Variants in PPP1R3E observed in about 807,000 individuals in gnomAD.
PPP1R3E encodes protein phosphatase 1, regulatory (inhibitor) subunit 3E.
A neutral mutation model predicts 18.5 loss-of-function variants in PPP1R3E; 20 were observed. The observed-to-expected ratio is 1.08, with a 90% CI of 0.76 to 1.58. The LOEUF is 1.58. Among genes scored for constraint, PPP1R3E ranks in the 40% most tolerant of loss-of-function variants. The pLI is 0.00. For missense variants in PPP1R3E, 498 were observed against 460.2 expected (o/e 1.08, Z -0.75); for synonymous variants, 208 against 208.1 (o/e 1.00, Z 0.00).
rs1051986464 is a variant in PPP1R3E at position 23,301,285 on chromosome 14, C to G, written c.*138+13G>C. ...CCCACGCCCCCACGCCCCCACGCCC[C>G]TGATTTCCCCACCCTTTTCGCCCTC... On this transcript the variant is annotated intron_variant, in intron 2 of 4. Coordinates refer to ENST00000452015, the MANE Select transcript of PPP1R3E (RefSeq NM_001276318.2). The G allele has an allele frequency of 2.2e-6, 1 of 457,938 alleles. No individual in the cohort carries two copies. The highest frequency in any genetic ancestry group is 3.0e-6 in the Non-Finnish European group (1 of 328,166). 28.4% of individuals were successfully genotyped at this position (457,938 alleles called of 1,614,324 possible). A position where few individuals can be genotyped will look rare whatever the true frequency, so the allele number is the denominator to read the frequency against.
chr14:23,301,727 C>T lies in PPP1R3E; in HGVS notation c.549G>A (p.Leu183=), dbSNP rs920844183. The T allele has an allele frequency of 4.0e-5, 57 of 1,410,710 alleles. No individual in the cohort carries two copies. The highest frequency in any genetic ancestry group is 4.9e-5 in the Non-Finnish European group (53 of 1,084,856). The allele number at this position is 1,410,710 out of a possible 1,614,324, so 87.4% of individuals were successfully genotyped here. Reference sequence around the variant, plus strand: ...GCACGCTCACGCGCTTCTCGTAGGCCAGGTCCACCACGCGCGCGCTCCCGG... The same window carrying T: ...GCACGCTCACGCGCTTCTCGTAGGCTAGGTCCACCACGCGCGCGCTCCCGG... ...GVAGSARVVD[L]AYEKRVSVRW... The change falls in exon 2 of 5, where the codon CTG becomes CTA. Residue 183 remains leucine, a synonymous_variant. Transcript: ENST00000452015.
intron 1 of PPP1R3E, 68 bp from the exon 2 acceptor site, chr14:23,301,926 C>T (rs1887056476): frequency 2.9e-6 from 4 of 1,362,578 alleles, no homozygotes; most frequent in Non-Finnish European, 3.8e-6. Context: ...GGGGCGGTGT[C>T]AGAGCAAGGC....
At position 23,301,748 on chromosome 14, in the gene PPP1R3E, C is replaced by G. The variant is rs1566458807; in HGVS notation, c.528G>C (p.Gly176=). The stretch of plus-strand genomic sequence containing the variant: ...AGGCCAGGTCCACCACGCGCGCGCT[C>G]CCGGCCACGCCCAGCGGGCCCGCCT... ...RAEAGPLGVA[G]SARVVDLAYE... is the part of the protein sequence containing the mutation. The change falls in exon 2 of 5, where the codon GGG becomes GGC. Residue 176 remains glycine (G), a synonymous_variant. Transcript: ENST00000452015. The G allele has an allele frequency of 7.1e-7, 1 of 1,417,994 alleles. No individual in the cohort carries two copies. Among genetic ancestry groups the G allele is most frequent in the Non-Finnish European group, 9.2e-7 (1 of 1,089,268 alleles). 87.8% of individuals were successfully genotyped at this position (1,417,994 alleles called of 1,614,324 possible). A position where few individuals can be genotyped will look rare whatever the true frequency, so the allele number is the denominator to read the frequency against.
In PPP1R3E at chr14:23,296,945, T is replaced by C. The variant is rs1240856824; in HGVS notation, c.*2359A>G. The stretch of plus-strand genomic sequence containing the variant: ...TGAGGAGCTAGGGCTCATGATGAAA[T>C]GTTTTTCTACATTCACAAAGAAAAA... On this transcript the variant is annotated 3_prime_UTR_variant, in exon 5 of 5. Transcript: ENST00000452015. 2 of 152,174 alleles carry C rather than the reference T, an allele frequency of 1.3e-5. No individual in the cohort carries two copies. Among genetic ancestry groups the C allele is most frequent in the Non-Finnish European group, 2.9e-5 (2 of 68,052 alleles). The allele number at this position is 152,174 out of a possible 1,614,324, so 9.4% of individuals were successfully genotyped here. A position where few individuals can be genotyped will look rare whatever the true frequency, so the allele number is the denominator to read the frequency against.
Position 23,301,861 on chromosome 14 carries a change from G to T in PPP1R3E, c.418-3C>A. 7.0e-7 allele frequency: 1 copy of T among 1,429,516 alleles called. No homozygotes were observed. The highest frequency in any genetic ancestry group is 9.1e-7 in the Non-Finnish European group (1 of 1,103,602). 88.6% of individuals were successfully genotyped at this position (1,429,516 alleles called of 1,614,324 possible). ...GGCTCCAGGGCGGCGCGCGCCTCCT[G>T]GGGGAAAGAAGAAGCGGGAGGAGGG... is the stretch of plus-strand genomic sequence containing the variant. On this transcript the variant is annotated splice_polypyrimidine_tract_variant and splice_region_variant and intron_variant, in intron 1 of 4. Coordinates refer to ENST00000452015, the MANE Select transcript of PPP1R3E (RefSeq NM_001276318.2).
At chr14:23,300,920 G>A (rs1446144749) in intron 2 of PPP1R3E, 56 bp from the exon 3 acceptor site, 1 of 152,998 alleles carries the variant, frequency 6.5e-6, no homozygotes, top group African/African-American at 2.4e-5. Flanking sequence ...GTAGGACAGG[G>A]GGATCTGAGG....
At position 23,301,635 on chromosome 14, in the gene PPP1R3E, G is replaced by T; in HGVS notation, c.641C>A (p.Pro214His). 1 of 1,368,680 alleles carries T rather than the reference G, an allele frequency of 7.3e-7. No homozygotes were observed. The highest frequency in any genetic ancestry group is 9.4e-7 in the Non-Finnish European group (1 of 1,064,156). 84.8% of individuals were successfully genotyped at this position (1,368,680 alleles called of 1,614,324 possible). The change falls in exon 2 of 5, where the codon CCC becomes CAC. Residue 214 changes from proline to histidine, a missense_variant. Physicochemically the swap from Pro to His is moderately conservative, Grantham distance 77. Coordinates refer to ENST00000452015, the MANE Select transcript of PPP1R3E (RefSeq NM_001276318.2). ...APAAYAGPAP[P>H]PPRADRFAFR... ...GGCGAAGCGGTCGGCGCGCGGCGGG[G>T]GCGGGGCCGGACCGGCGTAGGCGGC...
In PPP1R3E at chr14:23,302,756, C is replaced by T; in HGVS notation, c.-180G>A. 1.7e-6 allele frequency: 1 copy of T among 587,944 alleles called. No individual in the cohort carries two copies. Among genetic ancestry groups the T allele is most frequent in the Non-Finnish European group, 2.8e-6 (1 of 358,950 alleles). The allele number at this position is 587,944 out of a possible 1,614,324, so 36.4% of individuals were successfully genotyped here. On this transcript the variant is annotated 5_prime_UTR_variant, in exon 1 of 5. Coordinates refer to ENST00000452015, the MANE Select transcript of PPP1R3E (RefSeq NM_001276318.2). ...TCCACCTCCCGTTGCTTTGCCTCTC[C>T]TCTGTGACCACCCTTCCCTCCCTCT...
chr14:23,300,539 T>C (rs1240964512), intron 3 of PPP1R3E: 3 of 152,184 alleles, frequency 2.0e-5, no homozygotes, highest in African/African-American at 7.2e-5. Flanking sequence ...GAAATCAGAA[T>C]AGTGATTCTT....
In PPP1R3E at chr14:23,301,284, C is replaced by G; in HGVS notation, c.*138+14G>C. On this transcript the variant is annotated intron_variant, in intron 2 of 4. Coordinates refer to ENST00000452015, the MANE Select transcript of PPP1R3E (RefSeq NM_001276318.2). ...CCCCACGCCCCCACGCCCCCACGCC[C>G]CTGATTTCCCCACCCTTTTCGCCCT... 2.3e-6 allele frequency: 1 copy of G among 442,358 alleles called. No individual in the cohort carries two copies. Among genetic ancestry groups the G allele is most frequent in the East Asian group, 5.9e-5 (1 of 17,050 alleles). 27.4% of individuals were successfully genotyped at this position (442,358 alleles called of 1,614,324 possible). A position where few individuals can be genotyped will look rare whatever the true frequency, so the allele number is the denominator to read the frequency against.
Position 23,301,435 on chromosome 14 carries a change from C to T in PPP1R3E, c.*1G>A, listed in dbSNP as rs1887031650. 2.8e-6 allele frequency: 4 copies of T among 1,417,774 alleles called. No individual in the cohort carries two copies. Among genetic ancestry groups the T allele is most frequent in the South Asian group, 1.4e-5 (1 of 70,668 alleles). 87.8% of individuals were successfully genotyped at this position (1,417,774 alleles called of 1,614,324 possible). ...CCGCCGTCGGCCGCAGGCGCCTCGT[C>T]TCAGATAAAGTGGATCCAGCCCTGC... On this transcript the variant is annotated 3_prime_UTR_variant, in exon 2 of 5. Transcript: ENST00000452015.
In PPP1R3E at chr14:23,301,634, G is replaced by GGGCGGGGCCGGACCGGCGTA. The variant is rs1887042251; in HGVS notation, c.622_641dup (p.Pro215ThrfsTer35). ...AGGCGAAGCGGTCGGCGCGCGGCGG[G>GGGCGGGGCCGGACCGGCGTA]GGCGGGGCCGGACCGGCGTAGGCGG... is the stretch of plus-strand genomic sequence containing the variant. On this transcript the variant is annotated frameshift_variant, in exon 2 of 5. Transcript: ENST00000452015. LOFTEE classifies it high-confidence loss of function. The GGGCGGGGCCGGACCGGCGTA allele has an allele frequency of 1.5e-6, 2 of 1,365,594 alleles. No homozygotes were observed. The highest frequency in any genetic ancestry group is 9.4e-7 in the Non-Finnish European group (1 of 1,062,558). The allele number at this position is 1,365,594 out of a possible 1,614,324, so 84.6% of individuals were successfully genotyped here.
intron 3 of PPP1R3E, among the ~76,000 whole-genome samples, chr14:23,299,921 G>GTTTTTTTT (rs1265464684): frequency 4.5e-5 from 2 of 44,464 alleles, no homozygotes; most frequent in Non-Finnish European, 9.6e-5. Context: ...GTGTTTTTTT[G>GTTTTTTTT]TTTTTGTTTT....
rs1887034355 is a variant in PPP1R3E at position 23,301,489 on chromosome 14, G to C, written c.787C>G (p.His263Asp). ...GRDYALRGPE[H>D]PGSGGAPEPQ... is the part of the protein sequence containing the mutation. ...TCCGGAGCTCCGCCACTGCCCGGGT[G>C]CTCGGGCCCACGTAGAGCATAGTCA... The change falls in exon 2 of 5, where the codon CAC (histidine) becomes GAC (aspartate). Residue 263 changes from histidine to aspartate, a missense_variant. Transcript: ENST00000452015. 1 of 1,472,572 alleles carries C rather than the reference G, an allele frequency of 6.8e-7. No homozygotes were observed. The highest frequency in any genetic ancestry group is 9.0e-7 in the Non-Finnish European group (1 of 1,114,698). The allele number at this position is 1,472,572 out of a possible 1,614,324, so 91.2% of individuals were successfully genotyped here.
At position 23,302,686 on chromosome 14, in the gene PPP1R3E, GC is replaced by G; in HGVS notation, c.-111del. On this transcript the variant is annotated 5_prime_UTR_variant, in exon 1 of 5. Transcript: ENST00000452015. Reference sequence around the variant, plus strand: ...AGAAGTCGCTGGGTCCGCTTCTGCAGCCCCTCGCTGCTGTGTATTCTCCTTG... The same window carrying G: ...AGAAGTCGCTGGGTCCGCTTCTGCAGCCCTCGCTGCTGTGTATTCTCCTTG... 8.9e-7 allele frequency: 1 copy of G among 1,124,014 alleles called. No homozygotes were observed. Among genetic ancestry groups the G allele is most frequent in the South Asian group, 1.8e-5 (1 of 55,752 alleles). The allele number at this position is 1,124,014 out of a possible 1,614,324, so 69.6% of individuals were successfully genotyped here. A position where few individuals can be genotyped will look rare whatever the true frequency, so the allele number is the denominator to read the frequency against.
At position 23,301,382 on chromosome 14, in the gene PPP1R3E, C is replaced by T; in HGVS notation, c.*54G>A. ...TACTCCTCCCCGCCACATCGGGTCG[C>T]CCCGCCCCCGGGTGCCTTTGGTGTT... On this transcript the variant is annotated 3_prime_UTR_variant, in exon 2 of 5. Transcript: ENST00000452015. 4 of 1,320,962 alleles carry T rather than the reference C, an allele frequency of 3.0e-6. No individual in the cohort carries two copies. Among genetic ancestry groups the T allele is most frequent in the Non-Finnish European group, 2.9e-6 (3 of 1,034,070 alleles). The allele number at this position is 1,320,962 out of a possible 1,614,324, so 81.8% of individuals were successfully genotyped here.
In PPP1R3E at chr14:23,301,628, C is replaced by A; in HGVS notation, c.648G>T (p.Pro216=). The change falls in exon 2 of 5, where the codon CCG becomes CCT. Residue 216 remains proline (P), a synonymous_variant. Coordinates refer to ENST00000452015, the MANE Select transcript of PPP1R3E (RefSeq NM_001276318.2). Reference sequence around the variant, plus strand: ...GGCGGAAGGCGAAGCGGTCGGCGCGCGGCGGGGGCGGGGCCGGACCGGCGT... The same window carrying A: ...GGCGGAAGGCGAAGCGGTCGGCGCGAGGCGGGGGCGGGGCCGGACCGGCGT... ...AAYAGPAPPP[P]RADRFAFRLP... The A allele has an allele frequency of 7.2e-7, 1 of 1,390,350 alleles. No homozygotes were observed. Among genetic ancestry groups the A allele is most frequent in the Non-Finnish European group, 9.3e-7 (1 of 1,073,680 alleles). The allele number at this position is 1,390,350 out of a possible 1,614,324, so 86.1% of individuals were successfully genotyped here.
At chr14:23,301,984 G>C (rs1484148876) in intron 1 of PPP1R3E, 126 bp from the exon 2 acceptor site, 7 of 1,261,058 alleles carry the variant, frequency 5.6e-6, no homozygotes, top group Non-Finnish European at 7.2e-6. Flanking sequence ...GGCAGAGTGC[G>C]GCCCAGCTGC....
chr14:23,301,728 A>C lies in PPP1R3E; in HGVS notation c.548T>G (p.Leu183Arg). ...GVAGSARVVD[L>R]AYEKRVSVRW... is the part of the protein sequence containing the mutation. ...CACGCTCACGCGCTTCTCGTAGGCC[A>C]GGTCCACCACGCGCGCGCTCCCGGC... The change falls in exon 2 of 5, where the codon CTG becomes CGG. Residue 183 changes from leucine (L) to arginine (R), a missense_variant. Leu to Arg is a moderately radical substitution (Grantham distance 102). Transcript: ENST00000452015. 7.1e-7 allele frequency: 1 copy of C among 1,410,610 alleles called. No individual in the cohort carries two copies. The highest frequency in any genetic ancestry group is 9.2e-7 in the Non-Finnish European group (1 of 1,084,692). 87.4% of individuals were successfully genotyped at this position (1,410,610 alleles called of 1,614,324 possible).
Sources: gnomAD v4.1 joint callset for allele counts (sites outside exome capture counted in the v4.1 genomes callset) on GRCh38, gnomAD v4.1.1 for gene constraint, MANE v1.5 for transcripts, NCBI Gene and HGNC (gene_info 2026-07-23, HGNC 2026-07-21) for gene names.